The following ANK2 variants were observed in gnomAD, a reference collection of about 807,000 sequenced individuals.
ANK2 encodes ankyrin-2.
ANK2 carries 83 observed loss-of-function variants against 360.5 expected under a neutral mutation model. The ratio of observed to expected loss-of-function variants is 0.23; its 90% CI spans 0.19 to 0.28. ANK2 has a LOEUF of 0.28. Among genes scored for constraint, ANK2 ranks in the 10% least tolerant of loss-of-function variants. ANK2 has a pLI of 1.00. For missense variants in ANK2, 4,201 were observed against 4,795.7 expected (o/e 0.88, Z 3.66); for synonymous variants, 1,740 against 1,759.5 (o/e 0.99, Z 0.28).
chr4:113,371,224 C>T (rs767051262), intron 43 of ANK2, among the ~76,000 whole-genome samples: 6 of 152,152 alleles, frequency 3.9e-5, no homozygotes, highest in Non-Finnish European at 5.9e-5. Context: ...ATGAGATCTG[C>T]TGCTAGGAAT....
the ANK2 span, among the ~76,000 whole-genome samples, chr4:112,781,704 C>CT: frequency 6.6e-6 from 1 of 151,642 alleles, no homozygotes; most frequent in South Asian, 2.1e-4. Context: ...ATCAAGCTGT[C>CT]TACTTATAAA....
intron 1 of ANK2, among the ~76,000 whole-genome samples, chr4:112,825,338 A>T (rs573664327): frequency 8.5e-5 from 9 of 105,968 alleles, no homozygotes; most frequent in African/African-American, 2.2e-4. Context: ...AAAGGATAAT[A>T]AAAAAAAAAT....
At chr4:113,211,790 A>G (rs1463704089) in intron 4 of ANK2, among the ~76,000 whole-genome samples, 1 of 152,202 alleles carries the variant, frequency 6.6e-6, no homozygotes, top group Non-Finnish European at 1.5e-5. Flanking sequence ...ATATGTTTGT[A>G]ACATGAATAT....
intron 2 of ANK2, among the ~76,000 whole-genome samples, chr4:112,965,065 A>G (rs2036658440): frequency 6.6e-6 from 1 of 152,192 alleles, no homozygotes; most frequent in Non-Finnish European, 1.5e-5. Context: ...TAATTTTTTG[A>G]GGAACCTCCA....
At chr4:113,126,521 C>T (rs1362322393) in intron 1 of ANK2, among the ~76,000 whole-genome samples, 1 of 152,090 alleles carries the variant, frequency 6.6e-6, no homozygotes, top group Non-Finnish European at 1.5e-5. Context: ...TCTTTGAGGA[C>T]AGAGGTTACT....
chr4:112,730,934 T>G, the ANK2 span, among the ~76,000 whole-genome samples: 2 of 149,998 alleles, frequency 1.3e-5, no homozygotes, highest in African/African-American at 4.9e-5. Context: ...GGTCAAGAGA[T>G]CGAGACCATT....
chr4:112,783,870 C>T, the ANK2 span, among the ~76,000 whole-genome samples: 1 of 151,884 alleles, frequency 6.6e-6, no homozygotes, highest in Non-Finnish European at 1.5e-5. Context: ...AGGATGGTCT[C>T]GATCTCCTGA....
At chr4:113,117,062 T>A (rs776463452) in intron 1 of ANK2, 1 of 346,820 alleles carries the variant, frequency 2.9e-6, no homozygotes, top group African/African-American at 2.1e-5. Flanking sequence ...CTGCTGGAGG[T>A]CTCGGTTTGG....
intron 8 of ANK2, 55 bp from the exon 9 acceptor site, chr4:113,242,056 C>T (rs1585815939): frequency 3.5e-6 from 5 of 1,414,978 alleles, no homozygotes; most frequent in Admixed American, 3.4e-5. Context: ...ACAAAGGCAT[C>T]GCCATCATGC....
intron 2 of ANK2, among the ~76,000 whole-genome samples, chr4:112,951,691 C>T (rs2095020272): frequency 6.6e-6 from 1 of 152,086 alleles, no homozygotes; most frequent in South Asian, 2.1e-4. Flanking sequence ...TTACTTCCAG[C>T]TATCCAAAGG....
chr4:112,943,921 TA>T (rs1422383100), intron 2 of ANK2, among the ~76,000 whole-genome samples: 2 of 152,132 alleles, frequency 1.3e-5, no homozygotes, highest in African/African-American at 4.8e-5. Flanking sequence ...TAACAAGCTT[TA>T]TGGATGCAAA....
intron 2 of ANK2, among the ~76,000 whole-genome samples, chr4:112,911,437 G>A (rs746501898): frequency 6.6e-6 from 1 of 151,714 alleles, no homozygotes; most frequent in Admixed American, 6.6e-5. Context: ...GCAGGAGAAT[G>A]GCGTGAACCT....
chr4:112,716,959 T>G, the ANK2 span, among the ~76,000 whole-genome samples: 2,556 of 152,312 alleles, frequency 0.017, 67 homozygotes, highest in African/African-American at 0.058. Flanking sequence ...AAGGAAGACC[T>G]GGGTGATTGT....
At position 113,341,805 on chromosome 4, in the gene ANK2, T is replaced by C. The variant is rs1386325913; in HGVS notation, c.4011T>C (p.His1337=). 6.2e-7 allele frequency: 1 copy of C among 1,614,142 alleles called. No individual in the cohort carries two copies. The highest frequency in any genetic ancestry group is 8.5e-7 in the Non-Finnish European group (1 of 1,180,024). The change falls in exon 33 of 46, where the codon CAT becomes CAC. Residue 1337 remains histidine (H), a synonymous_variant. Transcript: ENST00000357077. ...MAKFVVFAKS[H]DPIEARLRCF... is the part of the protein sequence containing the mutation. ...AATTTGTAGTGTTTGCCAAATCACA[T>C]GACCCCATTGAAGCCAGGTTGAGGT...
At chr4:112,816,260 G>C (rs1277416411), upstream of ANK2, among the ~76,000 whole-genome samples, 1 of 152,158 alleles carries the variant, frequency 6.6e-6, no homozygotes, top group Non-Finnish European at 1.5e-5. Flanking sequence ...TGTTTCAGTA[G>C]AAACAGTAGT....
At chr4:112,874,168 G>A (rs560330160) in intron 1 of ANK2, among the ~76,000 whole-genome samples, 70 of 136,446 alleles carry the variant, frequency 5.1e-4, no homozygotes, top group Non-Finnish European at 3.8e-4. Flanking sequence ...TGCAACCTCC[G>A]CCTCCTGGGT....
chr4:112,812,764 G>C, the ANK2 span, among the ~76,000 whole-genome samples: 1 of 152,122 alleles, frequency 6.6e-6, no homozygotes, highest in Non-Finnish European at 1.5e-5. Flanking sequence ...GCTTTTGGGG[G>C]CCTCTCCACG....
chr4:113,224,588 G>A (rs1181199179), intron 4 of ANK2, among the ~76,000 whole-genome samples: 1 of 152,108 alleles, frequency 6.6e-6, no homozygotes, highest in Non-Finnish European at 1.5e-5. Flanking sequence ...GGAAAATACG[G>A]CAGTTTCTTT....
At chr4:112,960,296 A>T (rs1041243211) in intron 2 of ANK2, among the ~76,000 whole-genome samples, 5 of 151,530 alleles carry the variant, frequency 3.3e-5, no homozygotes, top group Non-Finnish European at 7.4e-5. Flanking sequence ...TCTAGATGAC[A>T]TGTATGCAGG....
Sources: gnomAD v4.1 joint callset for allele counts (sites outside exome capture counted in the v4.1 genomes callset) on GRCh38, gnomAD v4.1.1 for gene constraint, MANE v1.5 for transcripts, NCBI Gene and HGNC (gene_info 2026-07-23, HGNC 2026-07-21) for gene names.